The following PDE9A variants were observed in gnomAD, a reference collection of about 807,000 sequenced individuals.
PDE9A encodes phosphodiesterase 9A, also known as high affinity cGMP-specific 3',5'-cyclic phosphodiesterase 9A.
In PDE9A, 60 loss-of-function variants were observed where a neutral mutation model predicts 87.4. That is an observed-to-expected ratio of 0.69 (90% CI 0.56 to 0.85). The LOEUF is 0.85. Ranked by LOEUF, PDE9A falls within the 40% of genes least tolerant of loss-of-function variation. PDE9A has a pLI of 0.00. For synonymous variants in PDE9A, 272 were observed against 279.4 expected (o/e 0.97, Z 0.27); for missense variants, 665 against 779.0 (o/e 0.85, Z 1.74).
intron 3 of PDE9A, chr21:42,697,479 G>A (rs1264741920): frequency 6.2e-7 from 1 of 1,602,872 alleles, no homozygotes; most frequent in African/African-American, 1.3e-5. Context: ...GGAGTCATGG[G>A]CGTCCCACCA....
chr21:42,713,703 T>C (rs575182552), intron 4 of PDE9A, among the ~76,000 whole-genome samples: 4 of 152,320 alleles, frequency 2.6e-5, no homozygotes, highest in African/African-American at 9.6e-5. Flanking sequence ...TTTTTAATAG[T>C]TAATAACAAT....
chr21:42,699,039 T>C, intron 4 of PDE9A, 28 bp downstream of exon 4: 1 of 1,524,212 alleles, frequency 6.6e-7, no homozygotes, highest in Non-Finnish European at 9.1e-7. Flanking sequence ...TTTTTTAAAC[T>C]AAAAGAAGGA....
At chr21:42,769,622 A>T (rs1030185984) in intron 17 of PDE9A, among the ~76,000 whole-genome samples, 3 of 142,306 alleles carry the variant, frequency 2.1e-5, no homozygotes. Flanking sequence ...GCAGGTACAC[A>T]TGCACACACA....
chr21:42,681,910 A>G (rs71320544), intron 1 of PDE9A, among the ~76,000 whole-genome samples: 3,513 of 152,332 alleles, frequency 0.023, 67 homozygotes, highest in South Asian at 0.046. Context: ...AGGAAGCCCT[A>G]TGGCCTCCTG....
chr21:42,772,097 C>CT (rs200699869), intron 18 of PDE9A, among the ~76,000 whole-genome samples: 89 of 152,194 alleles, frequency 5.8e-4, no homozygotes, highest in African/African-American at 2.0e-3. Context: ...CTCTGCCTTC[C>CT]CCCCTGTCAG....
At chr21:42,680,371 G>A (rs368926323) in intron 1 of PDE9A, among the ~76,000 whole-genome samples, 57 of 152,400 alleles carry the variant, frequency 3.7e-4, no homozygotes, top group African/African-American at 1.2e-3. Flanking sequence ...CAAGGCATGC[G>A]CAGGACAGCT....
chr21:42,686,278 G>T lies in PDE9A; in HGVS notation c.140+16G>T. The T allele has an allele frequency of 1.2e-6, 2 of 1,608,856 alleles. No individual in the cohort carries two copies. The highest frequency in any genetic ancestry group is 1.1e-5 in the South Asian group (1 of 90,976). The stretch of plus-strand genomic sequence containing the variant: ...GCCTGCCTCGGTGAGTGCGCGCTGC[G>T]GGCTCTGCCCGGTGACGCCACGCGG... On this transcript the variant is annotated intron_variant, in intron 2 of 19. Transcript: ENST00000291539.
chr21:42,654,068 CTGGGGGG>C (rs1324655091), intron 1 of PDE9A, among the ~76,000 whole-genome samples, 185 bp downstream of exon 1: 48 of 117,376 alleles, frequency 4.1e-4, no homozygotes, highest in Non-Finnish European at 6.7e-4. Flanking sequence ...GCGACTCGCC[CTGGGGGG>C]TGGGGGGTGG....
intron 16 of PDE9A, 68 bp downstream of exon 16, chr21:42,768,360 T>C (rs2056603505): frequency 1.7e-6 from 2 of 1,172,548 alleles, no homozygotes; most frequent in Non-Finnish European, 2.5e-6. Context: ...AGGGTTTGCG[T>C]TAAACGAGCA....
In PDE9A at chr21:42,760,763, C is replaced by A; in HGVS notation, c.1003-62C>A. 5 of 899,116 alleles carry A rather than the reference C, an allele frequency of 5.6e-6. No individual in the cohort carries two copies. The highest frequency in any genetic ancestry group is 1.3e-5 in the South Asian group (1 of 75,226). 55.7% of individuals were successfully genotyped at this position (899,116 alleles called of 1,614,324 possible). ...TACCACTCACCCAATTCCACCCCCCCTCACCCCATCCCACCCTCCGAGTGA... is the reference window on the plus strand; with the variant it reads ...TACCACTCACCCAATTCCACCCCCCATCACCCCATCCCACCCTCCGAGTGA... On this transcript the variant is annotated intron_variant, in intron 12 of 19. Coordinates refer to ENST00000291539, the MANE Select transcript of PDE9A (RefSeq NM_002606.3). The surrounding 1 kb of genome is among the most constrained non-coding windows in gnomAD (Gnocchi z 5.2).
At chr21:42,703,825 C>T (rs1274487741) in intron 4 of PDE9A, among the ~76,000 whole-genome samples, 1 of 152,214 alleles carries the variant, frequency 6.6e-6, no homozygotes, top group Non-Finnish European at 1.5e-5. Context: ...AAAAATAATC[C>T]ATCCTGAGAA....
At chr21:42,687,815 G>A in intron 2 of PDE9A, 102 bp from the exon 3 acceptor site, 1 of 992,766 alleles carries the variant, frequency 1.0e-6, no homozygotes, top group Non-Finnish European at 1.6e-6. Context: ...CTGGTCCTGG[G>A]ACTGTCCTGG....
chr21:42,767,531 C>T (rs1602570714), intron 15 of PDE9A, among the ~76,000 whole-genome samples: 7 of 152,174 alleles, frequency 4.6e-5, no homozygotes. Flanking sequence ...ATGCAGACTC[C>T]GAGCTGAACT....
In PDE9A at chr21:42,659,943, C is replaced by G. The variant is rs2057360638; in HGVS notation, c.69+6060C>G. On this transcript the variant is annotated intron_variant, in intron 1 of 19. Transcript: ENST00000291539. The surrounding 1 kb of genome is among the most constrained non-coding windows in gnomAD (Gnocchi z 4.1). ...ACTGACATGCAAATGAGAGATGAAA[C>G]GGGGACGAGCCGGGCAGCTGATCTC... Among the ~76,000 whole-genome samples, 1 of 152,180 alleles carries G rather than the reference C, an allele frequency of 6.6e-6. No individual in the cohort carries two copies. The highest frequency in any genetic ancestry group is 2.1e-4 in the South Asian group (1 of 4,832).
At chr21:42,661,978 G>A (rs1268758794) in intron 1 of PDE9A, among the ~76,000 whole-genome samples, 2 of 152,144 alleles carry the variant, frequency 1.3e-5, no homozygotes, top group East Asian at 3.8e-4. Flanking sequence ...ATTTGTCTGC[G>A]CTTGAGCCCA....
chr21:42,687,118 A>G (rs866189166), intron 2 of PDE9A, among the ~76,000 whole-genome samples: 8 of 152,350 alleles, frequency 5.3e-5, no homozygotes, highest in African/African-American at 1.9e-4. Context: ...TTCCAAATGT[A>G]AAGGGTGAGC....
intron 9 of PDE9A, 69 bp downstream of exon 9, chr21:42,751,266 C>G: frequency 8.9e-7 from 1 of 1,119,182 alleles, no homozygotes; most frequent in Non-Finnish European, 1.4e-6. Context: ...CCCTGTGGCC[C>G]TGCGGCCAGA....
intron 1 of PDE9A, among the ~76,000 whole-genome samples, chr21:42,683,462 T>A (rs2059278496): frequency 6.6e-6 from 1 of 152,174 alleles, no homozygotes; most frequent in Non-Finnish European, 1.5e-5. Flanking sequence ...CTACCCCTTT[T>A]TTGGTCCATT....
At chr21:42,662,505 ACACACG>A (rs1451389473) in intron 1 of PDE9A, among the ~76,000 whole-genome samples, 3 of 151,280 alleles carry the variant, frequency 2.0e-5, no homozygotes, top group Non-Finnish European at 4.4e-5. Flanking sequence ...TGCACATCAC[ACACACG>A]CACACACCAT....
Sources: gnomAD v4.1 joint callset for allele counts (sites outside exome capture counted in the v4.1 genomes callset) on GRCh38, gnomAD v4.1.1 for gene constraint, Gnocchi (gnomAD v3.1) non-coding constraint, MANE v1.5 for transcripts, NCBI Gene and HGNC (gene_info 2026-07-23, HGNC 2026-07-21) for gene names.